INSYN2B: variants seen among roughly 807,000 people sequenced by gnomAD.
INSYN2B encodes inhibitory synaptic factor family member 2B.
A neutral mutation model predicts 41.2 loss-of-function variants in INSYN2B; 16 were observed. That is an observed-to-expected ratio of 0.39 (90% CI 0.26 to 0.59). The LOEUF is 0.59. Among genes scored for constraint, INSYN2B ranks in the 20% least tolerant of loss-of-function variants. The pLI is 0.57. For synonymous variants in INSYN2B, 245 were observed against 244.4 expected, an observed-to-expected ratio of 1.00 and a Z score of -0.02; for missense variants, 608 against 646.4, an observed-to-expected ratio of 0.94 and a Z score of 0.64.
At position 169,884,009 on chromosome 5, in the gene INSYN2B, C is replaced by T. The variant is rs190564731; in HGVS notation, c.-111G>A. On this transcript the variant is annotated 5_prime_UTR_variant, in exon 2 of 4. Transcript: ENST00000377365. ...ATTTCAATCATAGAGAACTGCTGGCCAGGATGGAGTGGTCCTCTCCTCTTA... is the reference window on the plus strand; with the variant it reads ...ATTTCAATCATAGAGAACTGCTGGCTAGGATGGAGTGGTCCTCTCCTCTTA... The T allele has an allele frequency of 5.8e-4, 627 of 1,083,930 alleles. No individual in the cohort carries two copies. Among genetic ancestry groups the T allele is most frequent in the Admixed American group, 1.3e-3 (40 of 31,834 alleles). The allele number at this position is 1,083,930 out of a possible 1,614,324, so 67.1% of individuals were successfully genotyped here.
intron 1 of INSYN2B, among the ~76,000 whole-genome samples, chr5:169,946,296 C>T (rs572941390): frequency 2.0e-5 from 3 of 152,276 alleles, no homozygotes; most frequent in South Asian, 2.1e-4. Flanking sequence ...CAGGGGTATC[C>T]GGAGGCAGGC....
intron 1 of INSYN2B, among the ~76,000 whole-genome samples, chr5:169,968,522 C>A (rs982219714): frequency 6.6e-6 from 1 of 152,146 alleles, no homozygotes; most frequent in African/African-American, 2.4e-5. Context: ...GGTCAATGTT[C>A]AGGGGGCCCA....
At chr5:169,866,168 T>G (rs976104440) in intron 3 of INSYN2B, among the ~76,000 whole-genome samples, 1 of 152,158 alleles carries the variant, frequency 6.6e-6, no homozygotes, top group African/African-American at 2.4e-5. Context: ...GGTATCTGAT[T>G]GTTTTGTTTC....
At chr5:169,891,713 G>A (rs967670903) in intron 1 of INSYN2B, among the ~76,000 whole-genome samples, 9 of 152,054 alleles carry the variant, frequency 5.9e-5, no homozygotes, top group African/African-American at 1.7e-4. Context: ...AGCCGGGCAC[G>A]GTGGTTCACA....
At chr5:169,894,642 C>A (rs1773491880) in intron 1 of INSYN2B, among the ~76,000 whole-genome samples, 1 of 152,196 alleles carries the variant, frequency 6.6e-6, no homozygotes, top group African/African-American at 2.4e-5. Flanking sequence ...AAGCGCATGA[C>A]TGCAGTGCCA....
At chr5:169,881,301 G>A in intron 3 of INSYN2B, 67 bp downstream of exon 3, 3 of 1,321,896 alleles carry the variant, frequency 2.3e-6, no homozygotes, top group Non-Finnish European at 3.2e-6. Flanking sequence ...TTAAAAGTTT[G>A]CTAGAGTGTT....
At chr5:169,880,988 A>G (rs2113499221) in intron 3 of INSYN2B, among the ~76,000 whole-genome samples, 1 of 152,304 alleles carries the variant, frequency 6.6e-6, no homozygotes, top group Admixed American at 6.5e-5. Context: ...TTAAGATCAC[A>G]GGTTTGGGAT....
Position 169,882,657 on chromosome 5 carries a change from G to T in INSYN2B, c.1242C>A (p.Gly414=). 2 of 1,552,024 alleles carry T rather than the reference G, an allele frequency of 1.3e-6. No homozygotes were observed. The highest frequency in any genetic ancestry group is 2.4e-5 in the East Asian group (1 of 40,922). ...GAGATTCCTCCACAGATTGCAGTCG[G>T]CCTTGGAGGTCGCAGAGTTCACCCC... is the stretch of plus-strand genomic sequence containing the variant. ...LARGELCDLQ[G]RLQSVEESLH... Residue 414 remains glycine (G), a synonymous_variant, in exon 2 of 4, where the codon GGC becomes GGA. Transcript: ENST00000377365.
At chr5:169,902,865 C>T (rs952414800) in intron 1 of INSYN2B, among the ~76,000 whole-genome samples, 9 of 151,924 alleles carry the variant, frequency 5.9e-5, no homozygotes, top group African/African-American at 1.2e-4. Flanking sequence ...TTTGGGAGGC[C>T]GAGGCAGGCG....
intron 1 of INSYN2B, among the ~76,000 whole-genome samples, chr5:169,962,431 G>A (rs1310926460): frequency 6.6e-6 from 1 of 152,160 alleles, no homozygotes; most frequent in Non-Finnish European, 1.5e-5. Flanking sequence ...CATTTCCCAA[G>A]AGAAAGAAGA....
intron 1 of INSYN2B, among the ~76,000 whole-genome samples, chr5:169,918,696 T>A (rs1775012377): frequency 6.6e-6 from 1 of 152,246 alleles, no homozygotes; most frequent in Non-Finnish European, 1.5e-5. Context: ...GAGGATCACC[T>A]GAGTTCAGGG....
At chr5:169,948,518 A>T (rs1364502236) in intron 1 of INSYN2B, among the ~76,000 whole-genome samples, 1 of 152,022 alleles carries the variant, frequency 6.6e-6, no homozygotes, top group Non-Finnish European at 1.5e-5. Flanking sequence ...CTACACACAC[A>T]TAGAAACACA....
chr5:169,884,911 G>A (rs930570658), intron 1 of INSYN2B, 95 bp from the exon 2 acceptor site: 1 of 152,220 alleles, frequency 6.6e-6, no homozygotes, highest in African/African-American at 2.4e-5. Context: ...AGTATTTTGA[G>A]TGGAGGGTCT....
chr5:169,930,194 G>A (rs547310795), intron 1 of INSYN2B, among the ~76,000 whole-genome samples: 96 of 152,246 alleles, frequency 6.3e-4, no homozygotes, highest in African/African-American at 2.2e-3. Flanking sequence ...GTTTCACCAT[G>A]TTGGCTAGGA....
chr5:169,957,148 T>G (rs1181540510), intron 1 of INSYN2B, among the ~76,000 whole-genome samples: 1 of 152,192 alleles, frequency 6.6e-6, no homozygotes, highest in African/African-American at 2.4e-5. Context: ...TATGTGTGAT[T>G]TGCTTCTCAT....
intron 1 of INSYN2B, among the ~76,000 whole-genome samples, chr5:169,905,044 C>T (rs574571037): frequency 6.6e-6 from 1 of 152,282 alleles, no homozygotes; most frequent in African/African-American, 2.4e-5. Context: ...TCATGACACT[C>T]TCATGGGGCT....
At chr5:169,879,678 G>T (rs1772526468) in intron 3 of INSYN2B, among the ~76,000 whole-genome samples, 1 of 152,184 alleles carries the variant, frequency 6.6e-6, no homozygotes. Context: ...ATGTTGGAAG[G>T]TCATAGTTTA....
chr5:169,912,669 T>G (rs1054018722), intron 1 of INSYN2B, among the ~76,000 whole-genome samples: 1 of 152,072 alleles, frequency 6.6e-6, no homozygotes, highest in Admixed American at 6.6e-5. Flanking sequence ...TTCATTCATG[T>G]TGCATTATAC....
At chr5:169,921,194 ATTGTGT>A (rs1278766946) in intron 1 of INSYN2B, among the ~76,000 whole-genome samples, 2 of 152,152 alleles carry the variant, frequency 1.3e-5, no homozygotes, top group Admixed American at 6.5e-5. Flanking sequence ...TACTCAGAAA[ATTGTGT>A]TTGTGTTTGT....
Sources: gnomAD v4.1 joint callset for allele counts (sites outside exome capture counted in the v4.1 genomes callset) on GRCh38, gnomAD v4.1.1 for gene constraint, MANE v1.5 for transcripts, NCBI Gene and HGNC (gene_info 2026-07-23, HGNC 2026-07-21) for gene names.